Variants in TCHP observed in about 807,000 individuals in gnomAD.
TCHP encodes trichoplein keratin filament binding, also known as trichoplein keratin filament-binding protein.
Under a neutral mutation model 88.7 loss-of-function variants are expected in TCHP, and 81 were observed. The observed-to-expected ratio is 0.91, with a 90% CI of 0.76 to 1.10. The LOEUF is 1.10. Ranked by LOEUF, TCHP falls within the 50% of genes least tolerant of loss-of-function variation. TCHP has a pLI of 0.00. For missense variants in TCHP, 641 were observed against 632.1 expected (o/e 1.01, Z -0.15); for synonymous variants, 232 against 232.5 (o/e 1.00, Z 0.02).
At chr12:109,898,565 C>G (rs977160990), upstream of TCHP, among the ~76,000 whole-genome samples, 1 of 152,012 alleles carries the variant, frequency 6.6e-6, no homozygotes, top group Non-Finnish European at 1.5e-5. Context: ...GAGGCACAGA[C>G]AGATGAAGTG....
chr12:109,882,585 G>A, the TCHP span, among the ~76,000 whole-genome samples: 2 of 151,684 alleles, frequency 1.3e-5, no homozygotes, highest in Admixed American at 1.3e-4. Flanking sequence ...AGGAGTTGAG[G>A]TCAGGGAGGT....
chr12:109,890,812 C>T, the TCHP span, among the ~76,000 whole-genome samples: 1 of 152,152 alleles, frequency 6.6e-6, no homozygotes, highest in Non-Finnish European at 1.5e-5. Flanking sequence ...GCTCAGCTGA[C>T]CTTTTTCATT....
chr12:109,914,647 C>A lies in TCHP; in HGVS notation c.1320+20C>A. 6.3e-7 allele frequency: 1 copy of A among 1,594,696 alleles called. No homozygotes were observed. The highest frequency in any genetic ancestry group is 8.5e-7 in the Non-Finnish European group (1 of 1,170,792). ...GCCCAGGTAGGGCTGAGCCCAAGGG[C>A]GGGAGGCACCGGGCCTGCCAGGTTC... On this transcript the variant is annotated intron_variant, in intron 11 of 12. Transcript: ENST00000405876.
intron 12 of TCHP, 84 bp from the exon 13 acceptor site, chr12:109,916,507 T>C: frequency 7.2e-7 from 1 of 1,391,856 alleles, no homozygotes; most frequent in Non-Finnish European, 9.9e-7. Flanking sequence ...ATTGTTCTTT[T>C]AGCTTGTAGT....
At chr12:109,885,403 A>G in the TCHP span, among the ~76,000 whole-genome samples, 2 of 150,932 alleles carry the variant, frequency 1.3e-5, no homozygotes, top group Non-Finnish European at 3.0e-5. Context: ...CACAGAAGTG[A>G]TGCTCTATCC....
intron 5 of TCHP, 63 bp from the exon 6 acceptor site, chr12:109,907,463 G>A: frequency 6.5e-7 from 1 of 1,549,706 alleles, no homozygotes; most frequent in Non-Finnish European, 8.8e-7. Flanking sequence ...ACGGCGGCAG[G>A]AAGCTAGGTT....
chr12:109,882,428 TAAAA>T, the TCHP span, among the ~76,000 whole-genome samples: 2 of 98,416 alleles, frequency 2.0e-5, no homozygotes. Flanking sequence ...AGACTCCGTC[TAAAA>T]AAAAAAAAAA....
rs976103749 is a variant in TCHP, at chr12:109,903,565, G to A, written c.188+351G>A. Among the ~76,000 whole-genome samples the A allele has an allele frequency of 6.6e-6, 1 of 152,152 alleles. No individual in the cohort carries two copies. The highest frequency in any genetic ancestry group is 2.4e-5 in the African/African-American group (1 of 41,422). ...CAAAGCTACTTTTATAGAAATACGTGTAAAAACATGGAGGCCAAAAGCATA... is the reference window on the plus strand; with the variant it reads ...CAAAGCTACTTTTATAGAAATACGTATAAAAACATGGAGGCCAAAAGCATA... On this transcript the variant is annotated intron_variant, in intron 2 of 12. Coordinates refer to ENST00000405876, the MANE Select transcript of TCHP (RefSeq NM_001143852.2). This position sits in a 1 kb window ranked among gnomAD's most constrained non-coding sequence, Gnocchi z 4.6.
intron 8 of TCHP, among the ~76,000 whole-genome samples, chr12:109,909,805 A>C (rs1036051548): frequency 1.3e-5 from 2 of 152,216 alleles, no homozygotes; most frequent in Admixed American, 6.5e-5. Flanking sequence ...TCTCTACTAA[A>C]AAATACAAAA....
upstream of TCHP, among the ~76,000 whole-genome samples, chr12:109,897,532 A>G (rs1157610161): frequency 6.6e-6 from 1 of 151,026 alleles, no homozygotes; most frequent in African/African-American, 2.5e-5. Flanking sequence ...CCCAACTCAC[A>G]TATTTCTTTT....
intron 1 of TCHP, among the ~76,000 whole-genome samples, chr12:109,902,723 C>G (rs912771464): frequency 1.3e-5 from 2 of 152,202 alleles, no homozygotes; most frequent in Admixed American, 1.3e-4. Flanking sequence ...ATCTGCCCAC[C>G]TTGGCCTCCC....
chr12:109,881,432 G>A, the TCHP span, among the ~76,000 whole-genome samples: 1 of 152,164 alleles, frequency 6.6e-6, no homozygotes, highest in Non-Finnish European at 1.5e-5. Context: ...ATGACTCTGT[G>A]ACTTCACTTC....
In TCHP at chr12:109,905,456, C is replaced by T. The variant is rs920458382; in HGVS notation, c.456+663C>T. On this transcript the variant is annotated intron_variant, in intron 4 of 12. Coordinates refer to ENST00000405876, the MANE Select transcript of TCHP (RefSeq NM_001143852.2). This position sits in a 1 kb window ranked among gnomAD's most constrained non-coding sequence, Gnocchi z 4.0. ...ATCCCAGCTGCATTTCAGAGAGACT[C>T]CTCTGGTAGCAATGTGCCCGCCGAC... 1.3e-5 allele frequency among the ~76,000 whole-genome samples: 2 copies of T among 152,146 alleles called. No homozygotes were observed. Among genetic ancestry groups the T allele is most frequent in the Non-Finnish European group, 2.9e-5 (2 of 68,028 alleles).
chr12:109,884,482 C>A, the TCHP span, among the ~76,000 whole-genome samples: 2 of 152,072 alleles, frequency 1.3e-5, no homozygotes, highest in Non-Finnish European at 1.5e-5. Flanking sequence ...GCCACTGCAC[C>A]CGGCCGAATC....
intron 1 of TCHP, 69 bp from the exon 2 acceptor site, chr12:109,902,958 G>A (rs1040289650): frequency 5.0e-6 from 7 of 1,393,982 alleles, no homozygotes; most frequent in Non-Finnish European, 6.8e-6. Context: ...TCGTTAAAGG[G>A]ATGAGGCCAA....
intron 1 of TCHP, among the ~76,000 whole-genome samples, chr12:109,901,628 A>T (rs1297842659): frequency 1.3e-5 from 2 of 152,246 alleles, no homozygotes; most frequent in Admixed American, 6.5e-5. Context: ...GAGCACCCAT[A>T]TCTAACATTT....
chr12:109,914,991 G>T, intron 11 of TCHP: 1 of 396,780 alleles, frequency 2.5e-6, no homozygotes, highest in East Asian at 5.9e-5. Flanking sequence ...TACACGCCAC[G>T]CATATGTATA....
At chr12:109,898,131 G>C (rs1271515940), upstream of TCHP, among the ~76,000 whole-genome samples, 1 of 152,174 alleles carries the variant, frequency 6.6e-6, no homozygotes, top group African/African-American at 2.4e-5. Flanking sequence ...GGGCTCACCT[G>C]GGATGCACTG....
rs1194846306 is a variant in TCHP, at chr12:109,911,229, T to C, written c.1046T>C (p.Leu349Pro). 15 of 1,538,838 alleles carry C rather than the reference T, an allele frequency of 9.7e-6. No homozygotes were observed. Among genetic ancestry groups the C allele is most frequent in the African/African-American group, 1.4e-5 (1 of 73,488 alleles). ...GCGCGGGAGGCAGAGCTGCAGATGC[T>C]GCTGAGGTGAGTGGCAGCTGCTGAC... ...ERAREAELQM[L>P]LREEAKEMWE... Residue 349 changes from leucine to proline, a missense_variant, in exon 9 of 13, where the codon CTG becomes CCG. Leu to Pro is a moderately conservative substitution (Grantham distance 98). Coordinates refer to ENST00000405876, the MANE Select transcript of TCHP (RefSeq NM_001143852.2).
Sources: allele counts gnomAD v4.1 joint callset (sites outside exome capture counted in the v4.1 genomes callset), GRCh38; gene constraint gnomAD v4.1.1; non-coding constraint Gnocchi (gnomAD v3.1); transcripts MANE v1.5; gene names NCBI Gene and HGNC (gene_info 2026-07-23, HGNC 2026-07-21).